The following TCEA2 variants were observed in gnomAD, a reference collection of about 807,000 sequenced individuals.
The protein encoded by TCEA2 is transcription elongation factor A2, also known as transcription elongation factor A protein 2.
TCEA2 carries 21 observed loss-of-function variants against 40.8 expected under a neutral mutation model. That is an observed-to-expected ratio of 0.51 (90% confidence interval 0.36 to 0.74). The LOEUF is 0.74. TCEA2 is among the 30% of genes least tolerant of loss of function. The pLI, the probability that TCEA2 is intolerant of heterozygous loss-of-function variation, is 0.00. For synonymous variants in TCEA2, 165 were observed against 162.7 expected (o/e 1.01, Z -0.11); for missense variants, 326 against 426.5 (o/e 0.76, Z 2.08).
upstream of TCEA2, among the ~76,000 whole-genome samples, chr20:64,060,301 T>G (rs2059537211): frequency 6.6e-6 from 1 of 152,126 alleles, no homozygotes; most frequent in South Asian, 2.1e-4. Context: ...TCAAATCAAC[T>G]CACACTCGGC....
upstream of TCEA2, chr20:64,062,752 C>T (rs73322872): frequency 0.22 from 33,047 of 152,362 alleles, 3,701 homozygotes; most frequent in African/African-American, 0.24. Context: ...GCCCGAATGA[C>T]CCAAACTGGG....
intron 4 of TCEA2, 37 bp downstream of exon 4, chr20:64,068,171 T>C (rs2145491747): frequency 1.3e-6 from 2 of 1,551,292 alleles, no homozygotes; most frequent in East Asian, 2.3e-5. Context: ...ACACTTCTGC[T>C]TCCCAGCCTG....
At position 64,068,141 on chromosome 20, in the gene TCEA2, C is replaced by T. The variant is rs1369285133; in HGVS notation, c.329+7C>T. 3 of 1,603,326 alleles carry T rather than the reference C, an allele frequency of 1.9e-6. No homozygotes were observed. In the South Asian group the frequency reaches 3.4e-5, roughly 18 times the overall value. The stretch of plus-strand genomic sequence containing the variant: ...CAGAGGCCCCGGATCCCAGGTAGCA[C>T]ACCTGGAAGGCAGGTGCACACACTT... On this transcript the variant is annotated splice_region_variant and intron_variant, in intron 4 of 9. Transcript: ENST00000343484.
At chr20:64,068,164 C>T (rs376517066) in intron 4 of TCEA2, 30 bp downstream of exon 4, 2 of 1,565,268 alleles carry the variant, frequency 1.3e-6, no homozygotes, top group East Asian at 2.3e-5. Context: ...GGTGCACACA[C>T]TTCTGCTTCC....
upstream of TCEA2, chr20:64,062,952 A>C (rs2059597983): frequency 4.2e-5 from 7 of 166,206 alleles, no homozygotes; most frequent in East Asian, 1.7e-4. Flanking sequence ...TCGCTCCGGG[A>C]TGTCTGAGCT....
At chr20:64,068,640 C>T (rs2059751984) in intron 4 of TCEA2, among the ~76,000 whole-genome samples, 1 of 152,264 alleles carries the variant, frequency 6.6e-6, no homozygotes, top group Non-Finnish European at 1.5e-5. Flanking sequence ...TTGTGGCAGG[C>T]TATAGCCGAG....
At chr20:64,071,785 C>T (rs1042600260) in intron 8 of TCEA2, 85 bp from the exon 9 acceptor site, 14 of 1,503,724 alleles carry the variant, frequency 9.3e-6, no homozygotes, top group Admixed American at 5.7e-5. Context: ...TCAGTGGCTG[C>T]GAGGCCCGCA....
chr20:64,069,249 A>G, intron 4 of TCEA2, 112 bp from the exon 5 acceptor site: 1 of 1,433,830 alleles, frequency 7.0e-7, no homozygotes, highest in Non-Finnish European at 9.3e-7. Context: ...GAGTAGAACA[A>G]GCAGGGGTTG....
chr20:64,055,772 C>T (rs2059467109), upstream of TCEA2, among the ~76,000 whole-genome samples: 3 of 152,246 alleles, frequency 2.0e-5, no homozygotes, highest in Admixed American at 2.0e-4. This position sits in a 1 kb window ranked among gnomAD's most constrained non-coding sequence, Gnocchi z 4.0. Context: ...TGCCAGAAGG[C>T]AGGGGGCTCT....
chr20:64,061,664 G>C (rs959450455), upstream of TCEA2, among the ~76,000 whole-genome samples: 19 of 152,238 alleles, frequency 1.2e-4, no homozygotes, highest in South Asian at 4.1e-4. Context: ...GCCCACCTCA[G>C]CCTCCCAAAG....
At chr20:64,068,184 T>C (rs756863040) in intron 4 of TCEA2, 50 bp downstream of exon 4, 26 of 1,512,956 alleles carry the variant, frequency 1.7e-5, no homozygotes, top group African/African-American at 2.7e-5. Context: ...CCAGCCTGTT[T>C]CCTTGCCAGA....
intron 9 of TCEA2, 27 bp from the exon 10 acceptor site, chr20:64,072,145 C>A (rs755057510): frequency 6.2e-7 from 1 of 1,613,398 alleles, no homozygotes. Flanking sequence ...GGCCACAAGG[C>A]TGGAGGCCTC....
At chr20:64,063,184 G>C (rs930881251), upstream of TCEA2, 26 of 797,870 alleles carry the variant, frequency 3.3e-5, no homozygotes, top group Admixed American at 9.2e-5. Flanking sequence ...GTTTGAACCG[G>C]GGGTCTGTCG....
Position 64,069,773 on chromosome 20 carries a change from G to A in TCEA2, c.469G>A (p.Val157Met), listed in dbSNP as rs148741567. 128 of 1,612,014 alleles carry A rather than the reference G, an allele frequency of 7.9e-5. No individual in the cohort carries two copies. The African/African-American group carries it at 1.4e-3, about 18-fold the overall frequency. Residue 157 changes from valine to methionine, a missense_variant, in exon 6 of 10, where the codon GTG (valine) becomes ATG (methionine). Val to Met is a conservative substitution (Grantham distance 21, BLOSUM62 1). Transcript: ENST00000343484. ...TAALQTDHDH[V>M]AIGADCERLS... ...AGGGCTCCCTCTTGCAGATGACCAC[G>A]TGGCCATCGGTGCGGACTGCGAGCG...
intron 3 of TCEA2, among the ~76,000 whole-genome samples, chr20:64,067,514 C>A (rs916659345): frequency 2.2e-4 from 33 of 152,162 alleles, no homozygotes; most frequent in Admixed American, 3.3e-4. Flanking sequence ...CTGCCTCTTC[C>A]TGGAGACAGT....
chr20:64,068,287 T>C (rs2059743581), intron 4 of TCEA2, among the ~76,000 whole-genome samples, 153 bp downstream of exon 4: 1 of 152,212 alleles, frequency 6.6e-6, no homozygotes, highest in Non-Finnish European at 1.5e-5. Context: ...TTGTGGTGTG[T>C]CCCGCCTGCA....
intron 4 of TCEA2, among the ~76,000 whole-genome samples, chr20:64,068,594 G>A (rs187618438): frequency 6.6e-6 from 1 of 152,386 alleles, no homozygotes; most frequent in African/African-American, 2.4e-5. Flanking sequence ...GGTGATAAGG[G>A]CTCTGTGGCC....
At chr20:64,065,426 G>C (rs2059668132) in intron 1 of TCEA2, 1 of 152,248 alleles carries the variant, frequency 6.6e-6, no homozygotes, top group South Asian at 2.1e-4. Context: ...TACACACGTG[G>C]AAACACATGC....
chr20:64,059,702 C>T (rs1280950376), upstream of TCEA2, among the ~76,000 whole-genome samples: 2 of 152,146 alleles, frequency 1.3e-5, no homozygotes, highest in Non-Finnish European at 2.9e-5. Flanking sequence ...CGACCAGCTC[C>T]CAGCTCCCTA....
Sources: gnomAD v4.1 joint callset for allele counts (sites outside exome capture counted in the v4.1 genomes callset) on GRCh38, gnomAD v4.1.1 for gene constraint, Gnocchi (gnomAD v3.1) non-coding constraint, MANE v1.5 for transcripts, NCBI Gene and HGNC (gene_info 2026-07-23, HGNC 2026-07-21) for gene names.